Variants in KCNK9 observed in about 807,000 individuals in gnomAD.
The protein encoded by KCNK9 is potassium two pore domain channel subfamily K member 9.
A neutral mutation model predicts 10.8 loss-of-function variants in KCNK9; 1 was observed. The ratio of observed to expected loss-of-function variants is 0.09; its 90% CI spans 0.03 to 0.44. KCNK9 has a LOEUF of 0.44. Ranked by LOEUF, KCNK9 falls within the 20% of genes least tolerant of loss-of-function variation. The probability of loss-of-function intolerance (pLI) is 0.97; values close to 1 mark genes in which losing one functional copy is unlikely to be tolerated. For missense variants in KCNK9, 303 were observed against 515.0 expected (o/e 0.59, Z 3.98); for synonymous variants, 231 against 222.7 (o/e 1.04, Z -0.33).
chr8:139,602,778 G>A (rs1002758927), intron 2 of KCNK9, among the ~76,000 whole-genome samples: 1 of 152,214 alleles, frequency 6.6e-6, no homozygotes, highest in African/African-American at 2.4e-5. Context: ...AGGTGCTCAC[G>A]TGAGAAGGAG....
At chr8:139,645,634 C>G (rs1815652657) in intron 1 of KCNK9, among the ~76,000 whole-genome samples, 1 of 152,148 alleles carries the variant, frequency 6.6e-6, no homozygotes, top group Non-Finnish European at 1.5e-5. Context: ...CCTGCCCATG[C>G]CCCACACTCT....
chr8:139,647,760 G>GC (rs35147080), intron 1 of KCNK9, among the ~76,000 whole-genome samples: 121,478 of 152,074 alleles, frequency 0.8, 48,814 homozygotes, highest in East Asian at 0.99. Context: ...AGAGTTCTGA[G>GC]CCCTAAGGGA....
intron 1 of KCNK9, among the ~76,000 whole-genome samples, chr8:139,644,797 C>T (rs1815624527): frequency 6.7e-6 from 1 of 149,592 alleles, no homozygotes; most frequent in Admixed American, 6.9e-5. Context: ...CAGGCACTGA[C>T]CGGGCTTCAG....
intron 1 of KCNK9, among the ~76,000 whole-genome samples, chr8:139,625,030 A>AG (rs1168532896): frequency 6.6e-6 from 1 of 152,144 alleles, no homozygotes; most frequent in African/African-American, 2.4e-5. Flanking sequence ...ATCAGAGCAC[A>AG]ATGAGAATCA....
intron 1 of KCNK9, among the ~76,000 whole-genome samples, chr8:139,636,657 C>T (rs1024673667): frequency 4.6e-5 from 7 of 152,244 alleles, no homozygotes; most frequent in Admixed American, 1.3e-4. Context: ...GCAATGAGAA[C>T]ACTGGCAAAA....
chr8:139,660,855 G>A (rs1385456910), intron 1 of KCNK9, among the ~76,000 whole-genome samples: 1 of 152,070 alleles, frequency 6.6e-6, no homozygotes, highest in African/African-American at 2.4e-5. Context: ...CCTGCCTAAG[G>A]AGGCCTAAGA....
At chr8:139,673,436 G>A (rs1816482878) in intron 1 of KCNK9, among the ~76,000 whole-genome samples, 1 of 152,234 alleles carries the variant, frequency 6.6e-6, no homozygotes, top group Non-Finnish European at 1.5e-5. Flanking sequence ...ATTGTGAGGG[G>A]CAGCTTAGCG....
At chr8:139,614,583 G>C (rs538180897), downstream of KCNK9, among the ~76,000 whole-genome samples, 68 of 152,332 alleles carry the variant, frequency 4.5e-4, no homozygotes, top group African/African-American at 1.6e-3. Flanking sequence ...AAGCAGTGCA[G>C]GTGGAAAGAA....
chr8:139,641,424 AGGGACCTG>A (rs1417560156), intron 1 of KCNK9, among the ~76,000 whole-genome samples: 2 of 152,296 alleles, frequency 1.3e-5, no homozygotes, highest in East Asian at 1.9e-4. Flanking sequence ...AGATGACTAG[AGGGACCTG>A]GGGCCCTGGG....
At chr8:139,629,353 T>C (rs1280114098) in intron 1 of KCNK9, among the ~76,000 whole-genome samples, 1 of 152,220 alleles carries the variant, frequency 6.6e-6, no homozygotes, top group Non-Finnish European at 1.5e-5. Context: ...CAAAGAAATC[T>C]GTTCTTAAAG....
At chr8:139,619,153 G>T in intron 1 of KCNK9, 54 bp from the exon 2 acceptor site, 11 of 1,604,792 alleles carry the variant, frequency 6.9e-6, no homozygotes, top group Non-Finnish European at 9.3e-6. Flanking sequence ...GGGTCTAGAG[G>T]TTGGGGGAAG....
intron 1 of KCNK9, among the ~76,000 whole-genome samples, chr8:139,646,126 T>C (rs1815669146): frequency 6.6e-6 from 1 of 151,800 alleles, no homozygotes; most frequent in Non-Finnish European, 1.5e-5. Flanking sequence ...TGGAACTGGA[T>C]CCAGTGTTCA....
intron 2 of KCNK9, among the ~76,000 whole-genome samples, chr8:139,604,222 G>A (rs543020685): frequency 1.4e-4 from 21 of 152,340 alleles, no homozygotes; most frequent in African/African-American, 2.6e-4. Context: ...TATGGCTCTA[G>A]GGTAGAGCTG....
intron 1 of KCNK9, among the ~76,000 whole-genome samples, chr8:139,681,596 TAGG>T (rs1300038262): frequency 1.3e-5 from 2 of 152,158 alleles, no homozygotes; most frequent in Non-Finnish European, 2.9e-5. Flanking sequence ...TCGCTGGCTT[TAGG>T]AGGTCACCCT....
At chr8:139,674,424 G>C (rs983848476) in intron 1 of KCNK9, among the ~76,000 whole-genome samples, 1 of 152,190 alleles carries the variant, frequency 6.6e-6, no homozygotes, top group African/African-American at 2.4e-5. Context: ...AGGGCAGCCT[G>C]AGCTGATGAG....
chr8:139,652,477 G>A (rs1366476179), intron 1 of KCNK9, among the ~76,000 whole-genome samples: 2 of 152,114 alleles, frequency 1.3e-5, no homozygotes, highest in South Asian at 2.1e-4. Flanking sequence ...CTGTGGACAT[G>A]CATGTGGGGT....
chr8:139,655,412 C>G (rs954607152), intron 1 of KCNK9, among the ~76,000 whole-genome samples: 1 of 152,150 alleles, frequency 6.6e-6, no homozygotes, highest in East Asian at 1.9e-4. Context: ...GGCTGGCTCT[C>G]TCCCATTCAA....
rs537220841 is a variant in KCNK9 at position 139,672,367 on chromosome 8, G to T, written c.283+30343C>A. 2.6e-5 allele frequency among the ~76,000 whole-genome samples: 4 copies of T among 152,266 alleles called. No homozygotes were observed. The South Asian group carries it at 8.3e-4, about 32-fold the overall frequency. On this transcript the variant is annotated intron_variant, in intron 1 of 1. Coordinates refer to ENST00000520439, the MANE Select transcript of KCNK9 (RefSeq NM_001282534.2). Reference sequence around the variant, plus strand: ...CAGGCTAAGCCCAGTCTTTAAGAGGGTGCTCTGGGGCCCCTGTAACCTGTA... The same window carrying T: ...CAGGCTAAGCCCAGTCTTTAAGAGGTTGCTCTGGGGCCCCTGTAACCTGTA...
intron 1 of KCNK9, among the ~76,000 whole-genome samples, chr8:139,688,058 A>G (rs372710396): frequency 3.9e-5 from 6 of 152,200 alleles, no homozygotes; most frequent in African/African-American, 1.4e-4. Context: ...GAGGTTTTAC[A>G]TGTTACCAGT....
Sources: allele counts gnomAD v4.1 joint callset (sites outside exome capture counted in the v4.1 genomes callset), GRCh38; gene constraint gnomAD v4.1.1; transcripts MANE v1.5; gene names NCBI Gene and HGNC (gene_info 2026-07-23, HGNC 2026-07-21).